GSE1: variants seen among roughly 807,000 people sequenced by gnomAD.
GSE1 encodes Gse1 coiled-coil protein.
GSE1 carries 32 observed loss-of-function variants against 112.6 expected under a neutral mutation model. That is an observed-to-expected ratio of 0.28 (90% CI 0.21 to 0.38). The LOEUF is 0.38. GSE1 is among the 10% of genes least tolerant of loss of function. The pLI is 1.00. For missense variants in GSE1, 2,348 were observed against 1,699.2 expected (o/e 1.38, Z -6.71); for synonymous variants, 1,115 against 735.6 (o/e 1.52, Z -8.35).
Position 85,654,601 on chromosome 16 carries a change from CTG to C in GSE1, c.599+154_599+155del, listed in dbSNP as rs2051743261. On this transcript the variant is annotated intron_variant, in intron 4 of 15. Transcript: ENST00000253458. ...TGAGCCCTGGGGATTGCAGCCCTGTCTGTGCCCCTTCACACTGAGGTGGCAGT... is the reference window on the plus strand; with the variant it reads ...TGAGCCCTGGGGATTGCAGCCCTGTCTGCCCCTTCACACTGAGGTGGCAGT... 5.1e-6 allele frequency: 4 copies of C among 782,154 alleles called. No homozygotes were observed. In the South Asian group the frequency reaches 6.7e-5, roughly 13 times the overall value. The allele number at this position is 782,154 out of a possible 1,614,324, so 48.5% of individuals were successfully genotyped here. A position where few individuals can be genotyped will look rare whatever the true frequency, so the allele number is the denominator to read the frequency against.
chr16:85,644,134 C>T (rs1306453931), intron 2 of GSE1, among the ~76,000 whole-genome samples: 2 of 151,938 alleles, frequency 1.3e-5, no homozygotes, highest in Non-Finnish European at 2.9e-5. Context: ...TTGAGACCAT[C>T]CTGGGCACCA....
chr16:85,378,690 G>A (rs912377055), intron 2 of GSE1, among the ~76,000 whole-genome samples: 5 of 152,202 alleles, frequency 3.3e-5, no homozygotes, highest in African/African-American at 1.2e-4. Context: ...AGGCCCAGGC[G>A]AACCTTTGCC....
intron 6 of GSE1, among the ~76,000 whole-genome samples, 158 bp downstream of exon 6, chr16:85,656,075 C>G (rs2051901777): frequency 6.6e-6 from 1 of 152,182 alleles, no homozygotes; most frequent in Non-Finnish European, 1.5e-5. Context: ...TCAGGCTCTG[C>G]TCTGAAATAG....
intron 2 of GSE1, among the ~76,000 whole-genome samples, chr16:85,421,267 G>C (rs530205665): frequency 1.2e-4 from 18 of 151,722 alleles, no homozygotes; most frequent in Non-Finnish European, 2.2e-4. Flanking sequence ...CCCTGGGGGG[G>C]TCTCTCGGGC....
At chr16:85,560,150 T>TTTTTTTTTTTTTTTTTTTA (rs1179259849) in intron 1 of GSE1, among the ~76,000 whole-genome samples, 2 of 145,126 alleles carry the variant, frequency 1.4e-5, no homozygotes, top group Non-Finnish European at 3.0e-5. Context: ...TTTTTTTTTT[T>TTTTTTTTTTTTTTTTTTTA]ATGTGAGACG....
intron 2 of GSE1, among the ~76,000 whole-genome samples, chr16:85,450,191 G>A (rs890771380): frequency 7.8e-5 from 10 of 128,438 alleles, no homozygotes; most frequent in South Asian, 2.4e-4. Flanking sequence ...GTGTGATCTC[G>A]GCTCACCACA....
intron 2 of GSE1, among the ~76,000 whole-genome samples, chr16:85,478,997 T>TTCCC (rs2050588701): frequency 8.9e-6 from 1 of 112,282 alleles, no homozygotes; most frequent in Non-Finnish European, 1.8e-5. Context: ...CCTTCCTTCT[T>TTCCC]TCCCTCCCTC....
chr16:85,596,044 C>A (rs577311166), intron 1 of GSE1, among the ~76,000 whole-genome samples: 2 of 150,780 alleles, frequency 1.3e-5, no homozygotes, highest in African/African-American at 4.9e-5. Context: ...ACCCATCCAC[C>A]CATTCCTCCG....
rs1394806770 is a variant in GSE1, at chr16:85,676,111, ATAT to A, written c.*3577_*3579del. ...ACTTGTTTGAATTAATTGTATTGTA[ATAT>A]TATTTGTTGAATGTAGTAATTAGGT... is the stretch of plus-strand genomic sequence containing the variant. On this transcript the variant is annotated 3_prime_UTR_variant, in exon 16 of 16. Coordinates refer to ENST00000253458, the MANE Select transcript of GSE1 (RefSeq NM_014615.5). 1.3e-5 allele frequency: 2 copies of A among 152,674 alleles called. No homozygotes were observed. The highest frequency in any genetic ancestry group is 2.1e-4 in the South Asian group (1 of 4,834). The allele number at this position is 152,674 out of a possible 1,614,324, so 9.5% of individuals were successfully genotyped here.
intron 1 of GSE1, among the ~76,000 whole-genome samples, chr16:85,631,397 G>A (rs899232528): frequency 1.2e-4 from 19 of 152,236 alleles, no homozygotes; most frequent in East Asian, 1.9e-4. Context: ...TTGGGGTCAC[G>A]GGGTGGCCCT....
At chr16:85,534,427 CTT>C (rs974194194) in intron 2 of GSE1, among the ~76,000 whole-genome samples, 17 of 152,048 alleles carry the variant, frequency 1.1e-4, no homozygotes, top group Non-Finnish European at 1.9e-4. Context: ...CGGCCAATTT[CTT>C]TTTTTAAAAC....
chr16:85,652,382 G>A (rs2051436063), intron 3 of GSE1, among the ~76,000 whole-genome samples: 1 of 152,178 alleles, frequency 6.6e-6, no homozygotes, highest in Non-Finnish European at 1.5e-5. Context: ...GAAGTTCCCG[G>A]CCCCACGCAG....
intron 2 of GSE1, among the ~76,000 whole-genome samples, chr16:85,642,753 G>T (rs752624258): frequency 7.2e-5 from 11 of 152,242 alleles, no homozygotes; most frequent in Non-Finnish European, 1.6e-4. Flanking sequence ...CCGGGCCCTG[G>T]GGTGGGTCGG....
At chr16:85,611,398 G>A (rs919109600), upstream of GSE1, 6 of 904,924 alleles carry the variant, frequency 6.6e-6, no homozygotes, top group Admixed American at 1.3e-4. Context: ...CCGGGCCCGC[G>A]CGGCCGAGCC....
chr16:85,267,350 G>A (rs928589122), intron 1 of GSE1, among the ~76,000 whole-genome samples: 1 of 152,142 alleles, frequency 6.6e-6, no homozygotes, highest in Non-Finnish European at 1.5e-5. Flanking sequence ...TTCCACCCCT[G>A]CCTTGTCCCT....
intron 1 of GSE1, among the ~76,000 whole-genome samples, chr16:85,175,275 G>C (rs2074438718): frequency 6.6e-6 from 1 of 152,172 alleles, no homozygotes; most frequent in Admixed American, 6.5e-5. Flanking sequence ...CCTTCGCCAG[G>C]GCTGTGTCTG....
chr16:85,451,810 G>T lies in GSE1; in HGVS notation c.2464+94167G>T, dbSNP rs538445683. 9.9e-5 allele frequency among the ~76,000 whole-genome samples: 15 copies of T among 152,220 alleles called. No homozygotes were observed. The South Asian group carries it at 3.1e-3, about 32-fold the overall frequency. ...TGGTTGGTGCCTGCGCTGGTGGTTG[G>T]TTCCTTCCTGTTTTAGAGCAGTGCA... On this transcript the variant is annotated intron_variant, in intron 2 of 2. Coordinates refer to the GSE1 transcript ENST00000637419.
At chr16:85,547,878 CAA>C (rs755865916) in intron 2 of GSE1, among the ~76,000 whole-genome samples, 15 of 92,228 alleles carry the variant, frequency 1.6e-4, no homozygotes, top group Admixed American at 3.6e-4. Context: ...GTCTCTGTCT[CAA>C]AAAAAAAAAA....
intron 1 of GSE1, among the ~76,000 whole-genome samples, chr16:85,591,284 T>C (rs2046992901): frequency 6.6e-6 from 1 of 151,936 alleles, no homozygotes; most frequent in African/African-American, 2.4e-5. Flanking sequence ...ACCCAGGAGT[T>C]TAATTGTTTA....
Sources: gnomAD v4.1 joint callset for allele counts (sites outside exome capture counted in the v4.1 genomes callset) on GRCh38, gnomAD v4.1.1 for gene constraint, MANE v1.5 for transcripts, NCBI Gene and HGNC (gene_info 2026-07-23, HGNC 2026-07-21) for gene names.